The following SLFN5 variants were observed in gnomAD, a reference collection of about 807,000 sequenced individuals.
The protein encoded by SLFN5 is schlafen family member 5.
Under a neutral mutation model 48.5 loss-of-function variants are expected in SLFN5, and 34 were observed. The observed-to-expected ratio is 0.70, with a 90% CI of 0.53 to 0.93. The LOEUF (loss-of-function observed/expected upper bound fraction) is 0.93. Ranked by LOEUF, SLFN5 falls within the 40% of genes least tolerant of loss-of-function variation. The pLI is 0.00. For synonymous variants in SLFN5, 387 were observed against 396.2 expected, an observed-to-expected ratio of 0.98 and a Z score of 0.28; for missense variants, 1,006 against 1,071.3, an observed-to-expected ratio of 0.94 and a Z score of 0.85.
At position 35,266,142 on chromosome 17, in the gene SLFN5, A is replaced by ATGTGTGTGTGTG. The variant is rs58644233; in HGVS notation, c.*279_*290dup. On this transcript the variant is annotated 3_prime_UTR_variant, in exon 5 of 5. Transcript: ENST00000299977. ...AATTAGAGGACCGTGAGACTCAGAG[A>ATGTGTGTGTGTG]TGTGTGTGTGTGTGTGTGTGTGTGT... is the stretch of plus-strand genomic sequence containing the variant. The ATGTGTGTGTGTG allele has an allele frequency of 1.8e-4, 43 of 240,370 alleles. No homozygotes were observed. Among genetic ancestry groups the ATGTGTGTGTGTG allele is most frequent in the Non-Finnish European group, 2.9e-4 (36 of 125,172 alleles). The allele number at this position is 240,370 out of a possible 1,614,324, so 14.9% of individuals were successfully genotyped here. A position where few individuals can be genotyped will look rare whatever the true frequency, so the allele number is the denominator to read the frequency against.
chr17:35,245,969 T>C (rs2092429761), intron 1 of SLFN5, among the ~76,000 whole-genome samples: 1 of 152,188 alleles, frequency 6.6e-6, no homozygotes, highest in African/African-American at 2.4e-5. Context: ...AAGGAGTATA[T>C]GACGATGCCC....
At chr17:35,246,621 G>A (rs1377418996) in intron 1 of SLFN5, among the ~76,000 whole-genome samples, 3 of 152,134 alleles carry the variant, frequency 2.0e-5, no homozygotes, top group Admixed American at 6.6e-5. Context: ...TTGGGAGGCC[G>A]AGGCAGGGAG....
At position 35,259,661 on chromosome 17, in the gene SLFN5, C is replaced by T. The variant is rs774499372; in HGVS notation, c.971C>T (p.Pro324Leu). ...QVKDNRVRQL[P>L]TREWTAWMME... ...AAGGACAACCGTGTGAGACAATTGCCCACAAGAGAATGGACTGCTTGGATG... is the reference window on the plus strand; with the variant it reads ...AAGGACAACCGTGTGAGACAATTGCTCACAAGAGAATGGACTGCTTGGATG... The change falls in exon 2 of 5, where the codon CCC (proline) becomes CTC (leucine). Residue 324 changes from proline (P) to leucine (L), a missense_variant. By Grantham distance (98) the Pro-to-Leu change is moderately conservative. Coordinates refer to ENST00000299977, the MANE Select transcript of SLFN5 (RefSeq NM_144975.4). 3.7e-6 allele frequency: 6 copies of T among 1,601,280 alleles called. No individual in the cohort carries two copies. The South Asian group carries it at 5.5e-5, about 15-fold the overall frequency.
At chr17:35,248,437 A>G (rs1329789552) in intron 1 of SLFN5, among the ~76,000 whole-genome samples, 2 of 152,234 alleles carry the variant, frequency 1.3e-5, no homozygotes, top group African/African-American at 2.4e-5. Context: ...TCCCTAGTAA[A>G]TGCTTCTTTT....
chr17:35,255,791 T>A (rs1051044568), intron 1 of SLFN5, among the ~76,000 whole-genome samples: 1 of 152,218 alleles, frequency 6.6e-6, no homozygotes, highest in African/African-American at 2.4e-5. Flanking sequence ...AAGAAATACA[T>A]TTCTAGAAGC....
chr17:35,264,557 A>G lies in SLFN5; in HGVS notation c.1513A>G (p.Ser505Gly), dbSNP rs767960712. The change falls in exon 4 of 5, where the codon AGC (serine) becomes GGC (glycine). Residue 505 changes from serine to glycine, a missense_variant. Physicochemically the swap from Ser to Gly is moderately conservative, Grantham distance 56. Coordinates refer to ENST00000299977, the MANE Select transcript of SLFN5 (RefSeq NM_144975.4). ...CVLNSDRKAQSVYSSYLQIYP... is the reference protein window; with the variant it reads ...CVLNSDRKAQGVYSSYLQIYP... ...GCTGAATTCTGATAGAAAAGCACAG[A>G]GCGTTTACAGTTCGTATTTACAAAT... 1.1e-5 allele frequency: 17 copies of G among 1,614,032 alleles called. No homozygotes were observed. The African/African-American group carries it at 1.1e-4, about 10-fold the overall frequency.
At position 35,267,774 on chromosome 17, in the gene SLFN5, C is replaced by T. The variant is rs907730324; in HGVS notation, c.*1886C>T. ...AGAATTTAAAAGTTTTATATAAAGG[C>T]ATAGCTACTATCTCATCTGCCCAGT... On this transcript the variant is annotated 3_prime_UTR_variant, in exon 5 of 5. Coordinates refer to ENST00000299977, the MANE Select transcript of SLFN5 (RefSeq NM_144975.4). The T allele has an allele frequency of 5.3e-5, 8 of 152,246 alleles. No individual in the cohort carries two copies. In the East Asian group the frequency reaches 1.2e-3, roughly 22 times the overall value. The allele number at this position is 152,246 out of a possible 1,614,324, so 9.4% of individuals were successfully genotyped here.
intron 3 of SLFN5, 136 bp downstream of exon 3, chr17:35,261,232 C>T: frequency 1.0e-6 from 1 of 994,956 alleles, no homozygotes; most frequent in Non-Finnish European, 1.4e-6. Flanking sequence ...ACCTTTAAAA[C>T]TTTTAGTAGA....
intron 1 of SLFN5, among the ~76,000 whole-genome samples, chr17:35,255,906 C>T (rs1382761636): frequency 6.6e-6 from 1 of 152,120 alleles, no homozygotes; most frequent in Non-Finnish European, 1.5e-5. Flanking sequence ...CTATTATTTC[C>T]TTACTTTTCT....
Position 35,264,717 on chromosome 17 carries a change from A to G in SLFN5, c.1673A>G (p.Asn558Ser). 2 of 1,607,042 alleles carry G rather than the reference A, an allele frequency of 1.2e-6. No individual in the cohort carries two copies. The highest frequency in any genetic ancestry group is 1.7e-6 in the Non-Finnish European group (2 of 1,177,636). Residue 558 changes from asparagine to serine, a missense_variant, in exon 4 of 5, where the codon AAT becomes AGT. By Grantham distance (46) the Asn-to-Ser change is conservative. Transcript: ENST00000299977. Reference protein sequence around the residue: ...LGSEVLNLLTNKQYELLSKNL... With the variant: ...LGSEVLNLLTSKQYELLSKNL... The stretch of plus-strand genomic sequence containing the variant: ...TCTGAGGTTTTGAACCTACTGACAA[A>G]TAAACAGTATGAGTTGCTTTCAAAG...
rs181424565 is a variant in SLFN5, at chr17:35,273,158, G to A, written c.*7270G>A. 2 of 152,182 alleles carry A rather than the reference G, an allele frequency of 1.3e-5. No individual in the cohort carries two copies. The highest frequency in any genetic ancestry group is 4.8e-5 in the African/African-American group (2 of 41,512). 9.4% of individuals were successfully genotyped at this position (152,182 alleles called of 1,614,324 possible). A position where few individuals can be genotyped will look rare whatever the true frequency, so the allele number is the denominator to read the frequency against. ...AGAGATCTCTATATGTATTGATGGG[G>A]GACCATCTTTAAGATATACTGTGGT... On this transcript the variant is annotated 3_prime_UTR_variant, in exon 5 of 5. Coordinates refer to ENST00000299977, the MANE Select transcript of SLFN5 (RefSeq NM_144975.4).
chr17:35,245,441 A>G (rs1369561477), intron 1 of SLFN5, among the ~76,000 whole-genome samples: 4 of 152,144 alleles, frequency 2.6e-5, no homozygotes, highest in East Asian at 3.8e-4. Context: ...TATTTCTGGA[A>G]TTTTTCATTT....
At chr17:35,244,836 G>A (rs1408025556) in intron 1 of SLFN5, among the ~76,000 whole-genome samples, 1 of 152,006 alleles carries the variant, frequency 6.6e-6, no homozygotes, top group Non-Finnish European at 1.5e-5. Context: ...CCAGCTACTC[G>A]GAGCCTGAGG....
chr17:35,250,673 AG>A (rs1193964426), intron 1 of SLFN5, among the ~76,000 whole-genome samples: 2 of 150,990 alleles, frequency 1.3e-5, no homozygotes, highest in African/African-American at 4.9e-5. Flanking sequence ...AAAAAAAAAA[AG>A]AGTTAAAAGA....
intron 2 of SLFN5, 94 bp from the exon 3 acceptor site, chr17:35,260,877 T>C (rs996472871): frequency 6.5e-5 from 97 of 1,481,444 alleles, no homozygotes; most frequent in African/African-American, 6.4e-4. Context: ...GTGGCTTGAG[T>C]TGTAAGACTA....
At position 35,265,179 on chromosome 17, in the gene SLFN5, C is replaced by T; in HGVS notation, c.1967C>T (p.Thr656Ile). The T allele has an allele frequency of 1.2e-6, 2 of 1,614,186 alleles. No homozygotes were observed. Among genetic ancestry groups the T allele is most frequent in the South Asian group, 1.1e-5 (1 of 91,084 alleles). Residue 656 changes from threonine (T) to isoleucine (I), a missense_variant, in exon 5 of 5, where the codon ACT (threonine) becomes ATT (isoleucine). Physicochemically the swap from Thr to Ile is moderately conservative, Grantham distance 89 (BLOSUM62 -1). Coordinates refer to ENST00000299977, the MANE Select transcript of SLFN5 (RefSeq NM_144975.4). ...IIIDDAQNFR[T>I]EDGDWYGKAK... Reference sequence around the variant, plus strand: ...ATTGATGACGCTCAGAATTTCCGTACTGAAGATGGGGACTGGTATGGGAAA... The same window carrying T: ...ATTGATGACGCTCAGAATTTCCGTATTGAAGATGGGGACTGGTATGGGAAA...
intron 3 of SLFN5, among the ~76,000 whole-genome samples, 192 bp from the exon 4 acceptor site, chr17:35,263,991 T>C (rs1288110237): frequency 6.6e-6 from 1 of 152,218 alleles, no homozygotes; most frequent in Non-Finnish European, 1.5e-5. Context: ...TTTACCATAA[T>C]TATTATTGTC....
rs1904448604 is a variant in SLFN5 at position 35,259,361 on chromosome 17, G to A, written c.671G>A (p.Gly224Glu). 6.2e-7 allele frequency: 1 copy of A among 1,614,022 alleles called. No individual in the cohort carries two copies. Among genetic ancestry groups the A allele is most frequent in the South Asian group, 1.1e-5 (1 of 91,078 alleles). ...KCVSAFANTE[G>E]GYVFFGVHDE... ...GTTTCTGCATTTGCAAATACTGAAGGAGGATATGTATTTTTTGGTGTGCAT... is the reference window on the plus strand; with the variant it reads ...GTTTCTGCATTTGCAAATACTGAAGAAGGATATGTATTTTTTGGTGTGCAT... The change falls in exon 2 of 5, where the codon GGA becomes GAA. Residue 224 changes from glycine (G) to glutamate (E), a missense_variant. Gly to Glu is a moderately conservative substitution (Grantham distance 98). Coordinates refer to ENST00000299977, the MANE Select transcript of SLFN5 (RefSeq NM_144975.4).
Position 35,259,627 on chromosome 17 carries a change from T to C in SLFN5, c.937T>C (p.Trp313Arg), listed in dbSNP as rs188131721. The change falls in exon 2 of 5, where the codon TGG (tryptophan) becomes CGG (arginine). Residue 313 changes from tryptophan to arginine, a missense_variant. Physicochemically the swap from Trp to Arg is moderately radical, Grantham distance 101. Transcript: ENST00000299977. ...GGTGTTTGCCAAAGTGCCTAGTTCCTGGCAGGTGAAGGACAACCGTGTGAG... is the reference window on the plus strand; with the variant it reads ...GGTGTTTGCCAAAGTGCCTAGTTCCCGGCAGGTGAAGGACAACCGTGTGAG... ...CAVFAKVPSS[W>R]QVKDNRVRQL... 3.0e-5 allele frequency: 48 copies of C among 1,606,478 alleles called. No individual in the cohort carries two copies. The highest frequency in any genetic ancestry group is 3.8e-5 in the Non-Finnish European group (45 of 1,179,926).
Sources: gnomAD v4.1 joint callset for allele counts (sites outside exome capture counted in the v4.1 genomes callset) on GRCh38, gnomAD v4.1.1 for gene constraint, MANE v1.5 for transcripts, NCBI Gene and HGNC (gene_info 2026-07-23, HGNC 2026-07-21) for gene names.